EVI5: variants seen among roughly 807,000 people sequenced by gnomAD.
EVI5 encodes the protein ecotropic viral integration site 5, also known as ecotropic viral integration site 5 protein homolog.
A neutral mutation model predicts 112.0 loss-of-function variants in EVI5; 73 were observed. That is an observed-to-expected ratio of 0.65 (90% CI 0.54 to 0.79). The LOEUF is 0.79. EVI5 is among the 30% of genes least tolerant of loss of function. EVI5 has a pLI of 0.00. For missense variants in EVI5, 900 were observed against 968.8 expected (o/e 0.93, Z 0.94); for synonymous variants, 305 against 319.9 (o/e 0.95, Z 0.50).
At chr1:92,652,340 G>A (rs916146486) in intron 13 of EVI5, among the ~76,000 whole-genome samples, 1 of 152,142 alleles carries the variant, frequency 6.6e-6, no homozygotes, top group East Asian at 1.9e-4. Context: ...ACCGGAGGCT[G>A]GGAAGATGGG....
At chr1:92,624,812 G>A (rs1302951111) in intron 15 of EVI5, among the ~76,000 whole-genome samples, 3 of 150,966 alleles carry the variant, frequency 2.0e-5, no homozygotes, top group African/African-American at 7.3e-5. Flanking sequence ...ACTTTAGGAA[G>A]CATCATTCAC....
intron 19 of EVI5, among the ~76,000 whole-genome samples, chr1:92,545,452 T>C (rs576503878): frequency 3.0e-4 from 45 of 151,936 alleles, no homozygotes; most frequent in Non-Finnish European, 5.1e-4. Context: ...AATTACTATA[T>C]TTCAAAAATC....
In EVI5 at chr1:92,677,235, A is replaced by G. The variant is rs751850243; in HGVS notation, c.1098-17T>C. 1 of 1,402,366 alleles carries G rather than the reference A, an allele frequency of 7.1e-7. No individual in the cohort carries two copies. Among genetic ancestry groups the G allele is most frequent in the South Asian group, 1.3e-5 (1 of 79,870 alleles). The allele number at this position is 1,402,366 out of a possible 1,614,324, so 86.9% of individuals were successfully genotyped here. On this transcript the variant is annotated splice_polypyrimidine_tract_variant and intron_variant, in intron 9 of 19. Transcript: ENST00000684568. ...TTTTCAAGCCTAAGAAAGGAAAAAA[A>G]AAGAGTTAAAGGTAATGTTTTCATT...
intron 18 of EVI5, among the ~76,000 whole-genome samples, chr1:92,586,195 T>C (rs1186054749): frequency 6.6e-6 from 1 of 152,228 alleles, no homozygotes; most frequent in Non-Finnish European, 1.5e-5. Flanking sequence ...AGGTAATCTT[T>C]GTCAGGTTTC....
rs6604009 is a variant in EVI5, at chr1:92,716,398, T to C, written c.150-11654A>G. Among the ~76,000 whole-genome samples, 957 of 152,224 alleles carry C rather than the reference T, an allele frequency of 6.3e-3. 14 individuals carry two copies. Among genetic ancestry groups the C allele is most frequent in the African/African-American group, 0.022 (922 of 41,532 alleles). ...GGGTTCTGACTGTTAGAAGGAAAACTAACAAACAGAAAGGAATAGCATCAA... is the reference window on the plus strand; with the variant it reads ...GGGTTCTGACTGTTAGAAGGAAAACCAACAAACAGAAAGGAATAGCATCAA... On this transcript the variant is annotated intron_variant, in intron 2 of 19. Transcript: ENST00000684568.
At chr1:92,592,936 C>T (rs535664601) in intron 18 of EVI5, among the ~76,000 whole-genome samples, 2 of 152,208 alleles carry the variant, frequency 1.3e-5, no homozygotes, top group African/African-American at 4.8e-5. Flanking sequence ...TAATAGCTTA[C>T]CAACCAAAAA....
chr1:92,545,621 G>A (rs1472048484), intron 19 of EVI5, among the ~76,000 whole-genome samples: 3 of 152,004 alleles, frequency 2.0e-5, no homozygotes, highest in East Asian at 1.9e-4. Context: ...AATCCCAAAC[G>A]ATTTTTAAAA....
At chr1:92,598,748 T>C (rs1192990633) in intron 18 of EVI5, among the ~76,000 whole-genome samples, 2 of 152,140 alleles carry the variant, frequency 1.3e-5, no homozygotes, top group African/African-American at 2.4e-5. Context: ...AATAAATAAT[T>C]GTCATTCATT....
intron 18 of EVI5, among the ~76,000 whole-genome samples, chr1:92,604,163 A>G (rs1159674387): frequency 1.3e-5 from 2 of 151,830 alleles, no homozygotes; most frequent in Non-Finnish European, 2.9e-5. Flanking sequence ...CAGCCTGGCC[A>G]GCAAAGGGAG....
At chr1:92,636,667 C>T (rs375230136) in intron 13 of EVI5, among the ~76,000 whole-genome samples, 18 of 152,192 alleles carry the variant, frequency 1.2e-4, no homozygotes, top group African/African-American at 4.3e-4. Flanking sequence ...TACAGACCTA[C>T]ACTGCACAAT....
intron 1 of EVI5, among the ~76,000 whole-genome samples, chr1:92,743,182 G>GT (rs1400195785): frequency 6.6e-6 from 1 of 152,146 alleles, no homozygotes; most frequent in African/African-American, 2.4e-5. Context: ...GCAAAACCCC[G>GT]TGTCTACTAA....
intron 18 of EVI5, among the ~76,000 whole-genome samples, chr1:92,568,128 C>T (rs1365476511): frequency 6.6e-6 from 1 of 151,922 alleles, no homozygotes; most frequent in African/African-American, 2.4e-5. Flanking sequence ...ATTCCTAGCA[C>T]TTTCAGAGGC....
chr1:92,691,353 TAAC>T (rs1251425433), intron 9 of EVI5, among the ~76,000 whole-genome samples: 2 of 152,100 alleles, frequency 1.3e-5, no homozygotes, highest in African/African-American at 4.8e-5. Context: ...GACAAAATAT[TAAC>T]AATATTTACT....
In EVI5 at chr1:92,717,753, TTAGA is replaced by T. The variant is rs564261139; in HGVS notation, c.150-13013_150-13010del. ...CAATTAAAAGACACAGACTGGCAAA[TTAGA>T]TAAAGAGTCAAGACCCATCAGTGTG... On this transcript the variant is annotated intron_variant, in intron 2 of 19. Transcript: ENST00000684568. Among the ~76,000 whole-genome samples the T allele has an allele frequency of 6.3e-3, 956 of 151,832 alleles. 14 individuals carry two copies. Among genetic ancestry groups the T allele is most frequent in the African/African-American group, 0.022 (921 of 41,356 alleles).
At chr1:92,522,018 A>G (rs4375281) in intron 19 of EVI5, among the ~76,000 whole-genome samples, 129,656 of 152,220 alleles carry the variant, frequency 0.85, 55,597 homozygotes, top group East Asian at 0.97. Flanking sequence ...TGGTCATTAC[A>G]CATGTTGTTT....
intron 19 of EVI5, among the ~76,000 whole-genome samples, chr1:92,517,633 A>G (rs1308317287): frequency 6.6e-6 from 1 of 152,234 alleles, no homozygotes; most frequent in Non-Finnish European, 1.5e-5. Context: ...TTCCGGGCCA[A>G]TTCTACCACC....
chr1:92,605,034 G>T (rs1400018850), intron 18 of EVI5, among the ~76,000 whole-genome samples: 1 of 152,128 alleles, frequency 6.6e-6, no homozygotes, highest in Non-Finnish European at 1.5e-5. Flanking sequence ...GTGTTTAATG[G>T]GCAAAGAGGT....
chr1:92,788,203 C>A (rs1469593231), upstream of EVI5, among the ~76,000 whole-genome samples: 3 of 152,120 alleles, frequency 2.0e-5, no homozygotes, highest in Non-Finnish European at 4.4e-5. Flanking sequence ...GGCGTAGTGG[C>A]TCACACCTGT....
At chr1:92,701,529 T>G (rs1393133388) in intron 5 of EVI5, among the ~76,000 whole-genome samples, 1 of 152,158 alleles carries the variant, frequency 6.6e-6, no homozygotes, top group Non-Finnish European at 1.5e-5. Context: ...AAGAGTAAGA[T>G]GGACTTAACA....
Sources: allele counts gnomAD v4.1 joint callset (sites outside exome capture counted in the v4.1 genomes callset), GRCh38; gene constraint gnomAD v4.1.1; transcripts MANE v1.5; gene names NCBI Gene and HGNC (gene_info 2026-07-23, HGNC 2026-07-21).